The following ADAMTS17 variants were observed in gnomAD, a reference collection of about 807,000 sequenced individuals.
ADAMTS17 encodes A disintegrin and metalloproteinase with thrombospondin motifs 17.
ADAMTS17 carries 113 observed loss-of-function variants against 141.5 expected under a neutral mutation model. The ratio of observed to expected loss-of-function variants is 0.80; its 90% CI spans 0.69 to 0.93. The LOEUF (loss-of-function observed/expected upper bound fraction) is 0.93. ADAMTS17 is among the 40% of genes least tolerant of loss of function. ADAMTS17 has a pLI of 0.00. For synonymous variants in ADAMTS17, 768 were observed against 630.6 expected (o/e 1.22, Z -3.27); for missense variants, 1,659 against 1,517.9 (o/e 1.09, Z -1.54).
At chr15:100,056,064 A>G (rs891660687) in intron 15 of ADAMTS17, among the ~76,000 whole-genome samples, 2 of 152,222 alleles carry the variant, frequency 1.3e-5, no homozygotes, top group African/African-American at 2.4e-5. Flanking sequence ...TGTTTTCAAA[A>G]AGGACAAATT....
chr15:100,157,113 C>CA (rs1031459666), intron 8 of ADAMTS17, among the ~76,000 whole-genome samples: 2 of 152,178 alleles, frequency 1.3e-5, no homozygotes, highest in African/African-American at 4.8e-5. Context: ...ACAAACCCAT[C>CA]AGATCTTGTG....
chr15:100,228,626 G>A (rs1438989144), intron 7 of ADAMTS17, among the ~76,000 whole-genome samples: 2 of 152,242 alleles, frequency 1.3e-5, no homozygotes, highest in African/African-American at 4.8e-5. Context: ...CCACGAGAGA[G>A]CGCTGAACAG....
rs749884675 is a variant in ADAMTS17 at position 100,217,785 on chromosome 15, C to G, written c.1076-18362G>C. 1.3e-5 allele frequency among the ~76,000 whole-genome samples: 2 copies of G among 152,174 alleles called. 1 individual carries two copies. Among genetic ancestry groups the G allele is most frequent in the South Asian group, 4.1e-4 (2 of 4,820 alleles). On this transcript the variant is annotated intron_variant, in intron 7 of 21. Coordinates refer to ENST00000268070, the MANE Select transcript of ADAMTS17 (RefSeq NM_139057.4). The stretch of plus-strand genomic sequence containing the variant: ...GTGGGAAATGATATTTGCCAATCAT[C>G]TATCTGGTAAGTGACTTTTACCCAG...
At chr15:100,237,575 A>G (rs1056122275) in intron 7 of ADAMTS17, among the ~76,000 whole-genome samples, 1 of 152,218 alleles carries the variant, frequency 6.6e-6, no homozygotes, top group Non-Finnish European at 1.5e-5. Context: ...CGTGGGGAAG[A>G]CACTGCTGTC....
intron 7 of ADAMTS17, among the ~76,000 whole-genome samples, chr15:100,243,789 T>TAAAAAAAAAAAAAAAAAA (rs547134930): frequency 1.1e-5 from 1 of 93,468 alleles, no homozygotes. Context: ...GACTCCATCT[T>TAAAAAAAAAAAAAAAAAA]AAAAAAAAAA....
intron 18 of ADAMTS17, among the ~76,000 whole-genome samples, chr15:100,000,834 A>G (rs2060906491): frequency 1.3e-5 from 2 of 152,174 alleles, no homozygotes; most frequent in Admixed American, 6.5e-5. Context: ...GCTCCCCAGA[A>G]TACACCTTAA....
intron 4 of ADAMTS17, among the ~76,000 whole-genome samples, chr15:100,274,313 G>C (rs1484672762): frequency 6.6e-6 from 1 of 152,108 alleles, no homozygotes; most frequent in Non-Finnish European, 1.5e-5. Context: ...ATTTCTCTCA[G>C]TTCTATCAAT....
chr15:100,265,685 G>A (rs1263546056), intron 4 of ADAMTS17, among the ~76,000 whole-genome samples: 1 of 152,124 alleles, frequency 6.6e-6, no homozygotes, highest in African/African-American at 2.4e-5. Context: ...CTACCTGTGT[G>A]ACCCAAGGCC....
rs1047893314 is a variant in ADAMTS17, at chr15:100,332,908, G to A, written c.451-1854C>T. 2.0e-5 allele frequency among the ~76,000 whole-genome samples: 3 copies of A among 152,280 alleles called. No individual in the cohort carries two copies. The South Asian group carries it at 6.2e-4, about 32-fold the overall frequency. On this transcript the variant is annotated intron_variant, in intron 2 of 21. Transcript: ENST00000268070. ...TGGCCAGGCTAGCACCAGGAAGGAG[G>A]GGTTGTACAGGGCCCTCACCCTGGG...
At chr15:100,262,782 T>TAAAAAAAA (rs201067774) in intron 4 of ADAMTS17, among the ~76,000 whole-genome samples, 3 of 111,234 alleles carry the variant, frequency 2.7e-5, no homozygotes, top group Non-Finnish European at 3.7e-5. Context: ...CTTCCAGTAC[T>TAAAAAAAA]AAAAAAAAAA....
In ADAMTS17 at chr15:100,317,648, T is replaced by TG. The variant is rs564878764; in HGVS notation, c.616+13240dup. Among the ~76,000 whole-genome samples the TG allele has an allele frequency of 1.1e-3, 164 of 152,096 alleles. 1 individual carries two copies. Among genetic ancestry groups the TG allele is most frequent in the African/African-American group, 3.7e-3 (155 of 41,496 alleles). Reference sequence around the variant, plus strand: ...CCCAGGGAACAAATGTTGAGCATTTTGGGGGGGACAACACTGAGAAAAAGA... The same window carrying TG: ...CCCAGGGAACAAATGTTGAGCATTTTGGGGGGGGACAACACTGAGAAAAAGA... On this transcript the variant is annotated intron_variant, in intron 3 of 21. Coordinates refer to ENST00000268070, the MANE Select transcript of ADAMTS17 (RefSeq NM_139057.4).
At chr15:100,086,962 G>T (rs1322645610) in intron 15 of ADAMTS17, among the ~76,000 whole-genome samples, 3 of 152,110 alleles carry the variant, frequency 2.0e-5, no homozygotes, top group African/African-American at 7.2e-5. Context: ...ACATTCAAAA[G>T]CATGCAGAAG....
chr15:100,119,244 G>A (rs1552100), intron 12 of ADAMTS17, among the ~76,000 whole-genome samples: 57,617 of 151,848 alleles, frequency 0.38, 11,542 homozygotes, highest in South Asian at 0.49. Context: ...TGTTGAAGCC[G>A]CCTGGTTGGG....
At chr15:100,113,836 T>A (rs532074724) in intron 13 of ADAMTS17, among the ~76,000 whole-genome samples, 2 of 152,210 alleles carry the variant, frequency 1.3e-5, no homozygotes, top group South Asian at 4.1e-4. Context: ...GGTTCTGCCG[T>A]GCCAGGCAGG....
chr15:100,184,814 G>A (rs2040649443), intron 8 of ADAMTS17, among the ~76,000 whole-genome samples: 1 of 151,930 alleles, frequency 6.6e-6, no homozygotes, highest in South Asian at 2.1e-4. Flanking sequence ...CCTCTCTTCT[G>A]GGGGCCCTTC....
intron 8 of ADAMTS17, among the ~76,000 whole-genome samples, chr15:100,189,238 T>C (rs1040535360): frequency 3.3e-5 from 5 of 152,212 alleles, no homozygotes; most frequent in African/African-American, 9.6e-5. Context: ...GATTCTGAAC[T>C]AGGCATGGGA....
At chr15:100,236,833 T>TGA in intron 7 of ADAMTS17, among the ~76,000 whole-genome samples, 1 of 152,058 alleles carries the variant, frequency 6.6e-6, no homozygotes, top group Non-Finnish European at 1.5e-5. Context: ...GTGAGACTCC[T>TGA]GACTCTAAAG....
At chr15:100,109,986 A>G (rs556263580) in intron 13 of ADAMTS17, among the ~76,000 whole-genome samples, 1 of 152,046 alleles carries the variant, frequency 6.6e-6, no homozygotes, top group East Asian at 1.9e-4. Context: ...GGCACCTCCC[A>G]TATCTGAAGG....
chr15:100,306,751 G>A (rs763624172), intron 3 of ADAMTS17, among the ~76,000 whole-genome samples: 1 of 152,148 alleles, frequency 6.6e-6, no homozygotes, highest in Non-Finnish European at 1.5e-5. Flanking sequence ...GCTCGAACTC[G>A]GTAGAAACCC....
Sources: gnomAD v4.1 joint callset for allele counts (sites outside exome capture counted in the v4.1 genomes callset) on GRCh38, gnomAD v4.1.1 for gene constraint, MANE v1.5 for transcripts, NCBI Gene and HGNC (gene_info 2026-07-23, HGNC 2026-07-21) for gene names.